VTN: variants seen among roughly 807,000 people sequenced by gnomAD.
VTN encodes the protein complement S-protein.
In VTN, 45 loss-of-function variants were observed where a neutral mutation model predicts 55.9. That is an observed-to-expected ratio of 0.80 (90% CI 0.63 to 1.03). The LOEUF (loss-of-function observed/expected upper bound fraction) is 1.03, where lower values mean the gene tolerates loss of function less well. Ranked by LOEUF, VTN falls within the 50% of genes least tolerant of loss-of-function variation. VTN has a pLI of 0.00. For missense variants in VTN, 589 were observed against 638.2 expected (o/e 0.92, Z 0.83); for synonymous variants, 238 against 242.3 (o/e 0.98, Z 0.17).
At position 28,368,973 on chromosome 17, in the gene VTN, T is replaced by C. The variant is rs1555583488; in HGVS notation, c.725A>G (p.Asn242Ser). 2 of 1,603,410 alleles carry C rather than the reference T, an allele frequency of 1.2e-6. No individual in the cohort carries two copies. The highest frequency in any genetic ancestry group is 1.7e-6 in the Non-Finnish European group (2 of 1,177,208). Residue 242 changes from asparagine to serine, a missense_variant, in exon 5 of 8, where the codon AAT becomes AGT. Around this residue, in one of 3 missense-constraint regions of VTN, gnomAD observed 334 missense variants for 328.2 expected, o/e 1.02. Transcript: ENST00000226218. ...DGVLDPDYPR[N>S]ISDGFDGIPD... is the part of the protein sequence containing the mutation. ...GATGCCATCGAAGCCGTCAGAGATA[T>C]TTCGGGGGTAATCAGGGTCCAGGAC...
At position 28,370,192 on chromosome 17, in the gene VTN, CAG is replaced by C. The variant is rs1425190619; in HGVS notation, c.10_11del (p.Leu4GlufsTer16). On this transcript the variant is annotated frameshift_variant, in exon 1 of 8. Coordinates refer to ENST00000226218, the MANE Select transcript of VTN (RefSeq NM_000638.4). LOFTEE classifies it high-confidence loss of function. ...GCAGGGCCAGTATGAGAAGGGGTCT[CAG>C]GGGTGCCATGGCAGGGCTTCTAGCT... MAP[L>X]RPLLILALLA... The C allele has an allele frequency of 7.4e-6, 12 of 1,612,994 alleles. No homozygotes were observed. The highest frequency in any genetic ancestry group is 5.3e-5 in the African/African-American group (4 of 74,926).
At chr17:28,368,371 A>G in intron 6 of VTN, 150 bp downstream of exon 6, 4 of 1,135,436 alleles carry the variant, frequency 3.5e-6, no homozygotes, top group African/African-American at 1.5e-5. Flanking sequence ...GCTTTCCCCA[A>G]AAGGTCAACA....
In VTN at chr17:28,369,336, C is replaced by T. The variant is rs781901259; in HGVS notation, c.622G>A (p.Ala208Thr). Residue 208 changes from alanine (A) to threonine (T), a missense_variant, in exon 4 of 8, where the codon GCC becomes ACC. Coordinates refer to ENST00000226218, the MANE Select transcript of VTN (RefSeq NM_000638.4). The surrounding 1 kb of genome is among the most constrained non-coding windows in gnomAD (Gnocchi z 5.3). ...TGACAGTTGATGCGGGTGAAGGCGG[C>T]ATCGATGGGGCCCTCGATGCCCCAG... The part of the protein sequence containing the change: ...DVWGIEGPID[A>T]AFTRINCQGK... 1.2e-6 allele frequency: 2 copies of T among 1,607,342 alleles called. No individual in the cohort carries two copies. The highest frequency in any genetic ancestry group is 1.7e-6 in the Non-Finnish European group (2 of 1,175,070).
rs782641083 is a variant in VTN at position 28,369,964 on chromosome 17, G to C, written c.147C>G (p.Ser49Arg). Residue 49 changes from serine to arginine, a missense_variant, in exon 2 of 8, where the codon AGC becomes AGG. Transcript: ENST00000226218. The surrounding 1 kb of genome is among the most constrained non-coding windows in gnomAD (Gnocchi z 5.3). ...ACTCAGCCGTATAGTCTGTGCAGCA[G>C]CTCTGGTAGTAAGAGCAGAGCTCGT... Reference protein sequence around the residue: ...QCDELCSYYQSCCTDYTAECK... With the variant: ...QCDELCSYYQRCCTDYTAECK... 1 of 1,614,102 alleles carries C rather than the reference G, an allele frequency of 6.2e-7. No individual in the cohort carries two copies. The highest frequency in any genetic ancestry group is 1.7e-5 in the Admixed American group (1 of 60,032).
In VTN at chr17:28,369,518, AAG is replaced by A. The variant is rs2067934951; in HGVS notation, c.516_517del (p.Phe173CysfsTer9). On this transcript the variant is annotated frameshift_variant, in exon 3 of 8. Transcript: ENST00000226218. LOFTEE classifies it high-confidence loss of function. The surrounding 1 kb of genome is among the most constrained non-coding windows in gnomAD (Gnocchi z 5.3). Reference sequence around the variant, plus strand: ...TGCCCTGGATTCACCTCGGAAGGCAAAGAGGGAACCGTTCTTGAGGTCGGTGA... The same window carrying A: ...TGCCCTGGATTCACCTCGGAAGGCAAAGGGAACCGTTCTTGAGGTCGGTGA... 1 of 1,605,394 alleles carries A rather than the reference AAG, an allele frequency of 6.2e-7. No homozygotes were observed. Among genetic ancestry groups the A allele is most frequent in the Non-Finnish European group, 8.5e-7 (1 of 1,177,300 alleles).
Position 28,369,688 on chromosome 17 carries a change from C to CATGA in VTN, c.347_348insTCAT (p.Lys117HisfsTer4), listed in dbSNP as rs1555583672. 6.2e-7 allele frequency: 1 copy of CATGA among 1,613,786 alleles called. No individual in the cohort carries two copies. The highest frequency in any genetic ancestry group is 8.5e-7 in the Non-Finnish European group (1 of 1,179,996). On this transcript the variant is annotated frameshift_variant, in exon 3 of 8. Transcript: ENST00000226218. LOFTEE classifies it high-confidence loss of function. The surrounding 1 kb of genome is among the most constrained non-coding windows in gnomAD (Gnocchi z 5.3). ...GCGCAGGGGCCTCTTCCTCAGGTTT[C>CATGA]AGAACAGGTGTCTGCTCAGGATTCC...
rs1179600787 is a variant in VTN, at chr17:28,367,376, T to C, written c.1430A>G (p.His477Arg). The C allele has an allele frequency of 1.3e-6, 2 of 1,589,140 alleles. No individual in the cohort carries two copies. The highest frequency in any genetic ancestry group is 8.5e-7 in the Non-Finnish European group (1 of 1,169,776). The stretch of plus-strand genomic sequence containing the variant: ...CCATGTGGGCTCTGACTCCTACAGA[T>C]GGCCAGGAGCTGGGCAGCCCAGCCA... ...QYWLGCPAPG[H>R]L is the part of the protein sequence containing the mutation. The change falls in exon 8 of 8, where the codon CAT becomes CGT. Residue 477 changes from histidine to arginine, a missense_variant. His to Arg is a conservative substitution (Grantham distance 29). This residue lies in a region of VTN where 334 missense variants were observed against 328.2 expected (regional missense o/e 1.02). Transcript: ENST00000226218.
chr17:28,369,448 G>A lies in VTN; in HGVS notation c.530-20C>T. On this transcript the variant is annotated intron_variant, in intron 3 of 7. Transcript: ENST00000226218. The surrounding 1 kb of genome is among the most constrained non-coding windows in gnomAD (Gnocchi z 5.3). ...ACTGCCCTAGAGTGGAGGAGATGGT[G>A]TGAGAGCAGGGACGCTCCTGGGGCA... is the stretch of plus-strand genomic sequence containing the variant. 1 of 1,588,628 alleles carries A rather than the reference G, an allele frequency of 6.3e-7. No individual in the cohort carries two copies. The highest frequency in any genetic ancestry group is 8.6e-7 in the Non-Finnish European group (1 of 1,164,794).
intron 5 of VTN, 82 bp from the exon 6 acceptor site, chr17:28,368,755 C>T: frequency 3.1e-6 from 5 of 1,609,552 alleles, no homozygotes; most frequent in Non-Finnish European, 1.7e-6. Context: ...GTTAGGATCT[C>T]CCAGCATGAG....
At position 28,369,623 on chromosome 17, in the gene VTN, C is replaced by T; in HGVS notation, c.413G>A (p.Arg138Lys). 5.6e-6 allele frequency: 9 copies of T among 1,613,750 alleles called. No individual in the cohort carries two copies. Among genetic ancestry groups the T allele is most frequent in the Non-Finnish European group, 7.6e-6 (9 of 1,180,024 alleles). Residue 138 changes from arginine (R) to lysine (K), a missense_variant, in exon 3 of 8, where the codon AGG becomes AAG. Around this residue, in one of 3 missense-constraint regions of VTN, gnomAD observed 217 missense variants for 241.3 expected, o/e 0.90. Transcript: ENST00000226218. This position sits in a 1 kb window ranked among gnomAD's most constrained non-coding sequence, Gnocchi z 5.3. ...TCTCCCTGGATGAAGGGTCTCAGGCCTTGAGTCTATCCCCTCAGGCTTAGA... is the reference window on the plus strand; with the variant it reads ...TCTCCCTGGATGAAGGGTCTCAGGCTTTGAGTCTATCCCCTCAGGCTTAGA... ...GASKPEGIDS[R>K]PETLHPGRPQ...
intron 6 of VTN, 82 bp downstream of exon 6, chr17:28,368,439 C>A: frequency 1.3e-6 from 2 of 1,559,510 alleles, no homozygotes; most frequent in Non-Finnish European, 1.7e-6. Flanking sequence ...AACCACAGCC[C>A]CCTCCAGCCG....
chr17:28,369,553 G>A lies in VTN; in HGVS notation c.483C>T (p.Phe161=), dbSNP rs782463783. 48 of 1,611,070 alleles carry A rather than the reference G, an allele frequency of 3.0e-5. No individual in the cohort carries two copies. The highest frequency in any genetic ancestry group is 1.6e-4 in the Middle Eastern group (1 of 6,078). ...AEEELCSGKP[F]DAFTDLKNGS... ...CGTTCTTGAGGTCGGTGAAGGCGTCGAAGGGCTTCCCACTGCACAGCTCCT... is the reference window on the plus strand; with the variant it reads ...CGTTCTTGAGGTCGGTGAAGGCGTCAAAGGGCTTCCCACTGCACAGCTCCT... Residue 161 remains phenylalanine, a synonymous_variant, in exon 3 of 8, where the codon TTC becomes TTT. Coordinates refer to ENST00000226218, the MANE Select transcript of VTN (RefSeq NM_000638.4). This position sits in a 1 kb window ranked among gnomAD's most constrained non-coding sequence, Gnocchi z 5.3.
chr17:28,369,652 G>T lies in VTN; in HGVS notation c.384C>A (p.Gly128=). Residue 128 remains glycine (G), a synonymous_variant, in exon 3 of 8, where the codon GGC becomes GGA. Coordinates refer to ENST00000226218, the MANE Select transcript of VTN (RefSeq NM_000638.4). This position sits in a 1 kb window ranked among gnomAD's most constrained non-coding sequence, Gnocchi z 5.3. ...PEEEAPAPEV[G]ASKPEGIDSR... ...AGTCTATCCCCTCAGGCTTAGAGGCGCCCACCTCAGGCGCAGGGGCCTCTT... is the reference window on the plus strand; with the variant it reads ...AGTCTATCCCCTCAGGCTTAGAGGCTCCCACCTCAGGCGCAGGGGCCTCTT... 1 of 1,613,740 alleles carries T rather than the reference G, an allele frequency of 6.2e-7. No homozygotes were observed. Among genetic ancestry groups the T allele is most frequent in the African/African-American group, 1.3e-5 (1 of 75,054 alleles).
chr17:28,370,267 A>T lies in VTN; in HGVS notation c.-64T>A, dbSNP rs571387488. 12 of 1,539,412 alleles carry T rather than the reference A, an allele frequency of 7.8e-6. No individual in the cohort carries two copies. In the South Asian group the frequency reaches 1.5e-4, roughly 19 times the overall value. ...TGGTCTCCCTGAAGTCTCCGCTCTGATGCCTGAGGAAGGGAGGGAGAGGCA... is the reference window on the plus strand; with the variant it reads ...TGGTCTCCCTGAAGTCTCCGCTCTGTTGCCTGAGGAAGGGAGGGAGAGGCA... On this transcript the variant is annotated 5_prime_UTR_variant, in exon 1 of 8. Coordinates refer to ENST00000226218, the MANE Select transcript of VTN (RefSeq NM_000638.4).
chr17:28,369,041 G>A lies in VTN; in HGVS notation c.670-13C>T, dbSNP rs1555583506. ...AGTACTGACTACCCTAAGAGGTGGG[G>A]AAAGTGAAAAGGGGTATGGAGGCCG... On this transcript the variant is annotated splice_polypyrimidine_tract_variant and intron_variant, in intron 4 of 7. Transcript: ENST00000226218. The surrounding 1 kb of genome is among the most constrained non-coding windows in gnomAD (Gnocchi z 5.3). The A allele has an allele frequency of 6.4e-7, 1 of 1,573,970 alleles. No individual in the cohort carries two copies.
rs916657 is a variant in VTN at position 28,367,869 on chromosome 17, G to A, written c.1170C>T (p.Asn390=). 4,708 of 1,614,026 alleles carry A rather than the reference G, an allele frequency of 2.9e-3. 131 individuals are homozygous for A. The Admixed American group carries it at 0.05, about 17-fold the overall frequency. Reference sequence around the variant, plus strand: ...CGCGGGATGGCCGGCGGGAGTTCTGGTTGCGGCCACGGCTGTGGCCTCGTT... The same window carrying A: ...CGCGGGATGGCCGGCGGGAGTTCTGATTGCGGCCACGGCTGTGGCCTCGTT... The part of the protein sequence containing the change: ...RSQRGHSRGR[N]QNSRRPSRAT... The change falls in exon 7 of 8, where the codon AAC becomes AAT. Residue 390 remains asparagine, a synonymous_variant. Coordinates refer to ENST00000226218, the MANE Select transcript of VTN (RefSeq NM_000638.4).
At position 28,370,234 on chromosome 17, in the gene VTN, C is replaced by T; in HGVS notation, c.-31G>A. 6.3e-7 allele frequency: 1 copy of T among 1,598,310 alleles called. No individual in the cohort carries two copies. The highest frequency in any genetic ancestry group is 1.3e-5 in the African/African-American group (1 of 74,820). On this transcript the variant is annotated 5_prime_UTR_variant, in exon 1 of 8. Coordinates refer to ENST00000226218, the MANE Select transcript of VTN (RefSeq NM_000638.4). ...GGCTTCTAGCTCAGTGCCTGGCAAG[C>T]TGGGCTCTGGTCTCCCTGAAGTCTC...
At chr17:28,368,130 A>G in intron 6 of VTN, 71 bp from the exon 7 acceptor site, 1 of 1,348,930 alleles carries the variant, frequency 7.4e-7, no homozygotes, top group Non-Finnish European at 1.0e-6. Context: ...GGGCCATTAG[A>G]GTTCATCTGC....
chr17:28,368,046 C>G lies in VTN; in HGVS notation c.993G>C (p.Gln331His). 6.3e-7 allele frequency: 1 copy of G among 1,581,034 alleles called. No individual in the cohort carries two copies. The highest frequency in any genetic ancestry group is 1.3e-5 in the African/African-American group (1 of 74,408). ...FWGRTSAGTR[Q>H]PQFISRDWHG... ...GCCAGTCCCGGCTAATGAACTGGGG[C>G]TGTCTGGTACCAGCTGTGGCAGGGA... Residue 331 changes from glutamine (Q) to histidine (H), a missense_variant, in exon 7 of 8, where the codon CAG becomes CAC. By Grantham distance (24) the Gln-to-His change is conservative (BLOSUM62 0). This residue lies in a region of VTN where 334 missense variants were observed against 328.2 expected (regional missense o/e 1.02). Coordinates refer to ENST00000226218, the MANE Select transcript of VTN (RefSeq NM_000638.4).
Sources: gnomAD v4.1 joint callset for allele counts on GRCh38, gnomAD v4.1.1 for gene constraint, gnomAD v4.1.1 regional missense constraint, Gnocchi (gnomAD v3.1) non-coding constraint, MANE v1.5 for transcripts, NCBI Gene and HGNC (gene_info 2026-07-23, HGNC 2026-07-21) for gene names.